TTC34: variants seen among roughly 807,000 people sequenced by gnomAD.
TTC34 encodes the protein tetratricopeptide repeat domain 34.
A neutral mutation model predicts 40.7 loss-of-function variants in TTC34; 44 were observed. That is an observed-to-expected ratio of 1.08 (90% CI 0.85 to 1.39). TTC34 has a LOEUF of 1.39. Among genes scored for constraint, TTC34 ranks in the 40% most tolerant of loss-of-function variants. TTC34 has a pLI of 0.00. For missense variants in TTC34, 884 were observed against 838.0 expected (o/e 1.05, Z -0.68); for synonymous variants, 422 against 398.6 (o/e 1.06, Z -0.70).
intron 6 of TTC34, among the ~76,000 whole-genome samples, chr1:2,750,966 C>A (rs1445424607): frequency 1.0e-5 from 1 of 98,544 alleles, no homozygotes; most frequent in East Asian, 3.8e-4. Context: ...AGCACCCACA[C>A]CCCCAGGTGC....
At chr1:2,747,548 AAC>A (rs1641193697) in intron 6 of TTC34, among the ~76,000 whole-genome samples, 1 of 83,440 alleles carries the variant, frequency 1.2e-5, no homozygotes, top group African/African-American at 8.0e-5. Context: ...CTGGAACAGA[AAC>A]CCCACCCTCA....
chr1:2,752,932 CA>C (rs1641372952), intron 6 of TTC34, among the ~76,000 whole-genome samples: 11 of 123,044 alleles, frequency 8.9e-5, no homozygotes, highest in Non-Finnish European at 1.6e-4. Flanking sequence ...ACAGCTCCCA[CA>C]ACCCCAGGTG....
chr1:2,643,664 C>T (rs902466512), intron 8 of TTC34, among the ~76,000 whole-genome samples: 5 of 152,122 alleles, frequency 3.3e-5, no homozygotes, highest in Non-Finnish European at 5.9e-5. Flanking sequence ...GGGGGGGCAG[C>T]GGCGCCCCCT....
At chr1:2,687,153 C>A (rs889616821) in intron 6 of TTC34, among the ~76,000 whole-genome samples, 1 of 143,004 alleles carries the variant, frequency 7.0e-6, no homozygotes, top group Admixed American at 6.8e-5. Flanking sequence ...CAGCCTGGAA[C>A]AGTACCCACA....
At chr1:2,753,354 C>G (rs1388420558) in intron 6 of TTC34, among the ~76,000 whole-genome samples, 11 of 109,618 alleles carry the variant, frequency 1.0e-4, no homozygotes, top group African/African-American at 4.2e-4. Flanking sequence ...GAGCATCTGA[C>G]AGCCTAGAAC....
rs375997157 is a variant in TTC34, at chr1:2,697,257, A to C, written c.2227-51694T>G. On this transcript the variant is annotated intron_variant, in intron 6 of 8. Transcript: ENST00000401095. ...AGCACCCTGCACCCCCAGGTGAGCA[A>C]GTGACACCCTGGAACAGCACACACA... Among the ~76,000 whole-genome samples the C allele has an allele frequency of 1.2e-3, 38 of 31,398 alleles. 1 individual carries two copies. The highest frequency in any genetic ancestry group is 2.4e-3 in the South Asian group (3 of 1,232). 20.6% of individuals were successfully genotyped at this position (31,398 alleles called of 152,430 possible).
At chr1:2,786,511 G>C (rs1643591325) in intron 4 of TTC34, among the ~76,000 whole-genome samples, 4 of 152,226 alleles carry the variant, frequency 2.6e-5, no homozygotes, top group Admixed American at 2.6e-4. Flanking sequence ...AGCCGCATCT[G>C]TCTGCTGATG....
In TTC34 at chr1:2,645,286, C is replaced by T. The variant is rs779002351; in HGVS notation, c.2497+7G>A. Reference sequence around the variant, plus strand: ...CCCGTGTTTCCCACCTTGGGGCCGCCGCATACCCTGTGCCATGAGAATGTC... The same window carrying T: ...CCCGTGTTTCCCACCTTGGGGCCGCTGCATACCCTGTGCCATGAGAATGTC... On this transcript the variant is annotated splice_region_variant and intron_variant, in intron 7 of 8. Coordinates refer to ENST00000401095, the Ensembl canonical transcript of TTC34. The surrounding 1 kb of genome is among the most constrained non-coding windows in gnomAD (Gnocchi z 4.7). The T allele has an allele frequency of 1.4e-5, 21 of 1,470,426 alleles. No homozygotes were observed. The highest frequency in any genetic ancestry group is 1.8e-4 in the Middle Eastern group (1 of 5,684). 91.1% of individuals were successfully genotyped at this position (1,470,426 alleles called of 1,614,324 possible).
intron 6 of TTC34, among the ~76,000 whole-genome samples, chr1:2,686,845 C>A: frequency 6.7e-6 from 1 of 149,784 alleles, no homozygotes; most frequent in East Asian, 2.0e-4. Flanking sequence ...ACCCCACACC[C>A]CCAGGTGAGC....
In TTC34 at chr1:2,783,665, TC is replaced by T; in HGVS notation, c.2169del (p.Asn724ThrfsTer15). ...GCCCGTCCACACAGTGCCTGCACGT[TC>T]CCCGGCTCAGCCCGCAGCACTGTGT... On this transcript the variant is annotated frameshift_variant, in exon 6 of 9. Coordinates refer to ENST00000401095, the Ensembl canonical transcript of TTC34. LOFTEE classifies it high-confidence loss of function. The T allele has an allele frequency of 6.5e-7, 1 of 1,535,786 alleles. No homozygotes were observed.
At chr1:2,760,025 C>CAGCACCCACACCCCCAAGTGTCT (rs1641644179) in intron 6 of TTC34, among the ~76,000 whole-genome samples, 1 of 43,762 alleles carries the variant, frequency 2.3e-5, no homozygotes, top group Non-Finnish European at 3.9e-5. Flanking sequence ...TCGGAGAGTC[C>CAGCACCCACACCCCCAAGTGTCT]GGAGCAGCGC....
chr1:2,695,747 C>A (rs1317264633), intron 6 of TTC34, among the ~76,000 whole-genome samples: 1 of 143,756 alleles, frequency 7.0e-6, no homozygotes, highest in African/African-American at 2.7e-5. Context: ...CCTGGAACAG[C>A]ACCCACACCC....
At chr1:2,639,048 A>C (rs1411397498) in exon 9 of TTC34, 1 of 151,840 alleles carries the variant, frequency 6.6e-6, no homozygotes, top group African/African-American at 2.4e-5. Context: ...GCTTGGGAGA[A>C]CTCTGGGGTC....
intron 6 of TTC34, among the ~76,000 whole-genome samples, chr1:2,779,940 C>T (rs953210249): frequency 6.6e-6 from 1 of 152,046 alleles, no homozygotes; most frequent in Non-Finnish European, 1.5e-5. Flanking sequence ...ACAGTGAAAC[C>T]TCGTCTCTAT....
At chr1:2,772,877 G>C (rs1203987349) in intron 6 of TTC34, among the ~76,000 whole-genome samples, 3 of 82,528 alleles carry the variant, frequency 3.6e-5, no homozygotes, top group African/African-American at 1.2e-4. Context: ...GCATCTGACA[G>C]CCTGGAGCAG....
chr1:2,783,039 C>T (rs1479311905), intron 6 of TTC34, among the ~76,000 whole-genome samples: 2 of 152,214 alleles, frequency 1.3e-5, no homozygotes, highest in Non-Finnish European at 2.9e-5. Flanking sequence ...TGCCATTGCC[C>T]CTCTCCCAAC....
chr1:2,687,426 G>C (rs1463796453), intron 6 of TTC34, among the ~76,000 whole-genome samples: 2 of 141,544 alleles, frequency 1.4e-5, no homozygotes, highest in Admixed American at 6.9e-5. Flanking sequence ...GCATCTGATG[G>C]TCTGGAGCAG....
At chr1:2,790,303 G>A (rs2100630749) in exon 3 of TTC34, 1 of 398,402 alleles carries the variant, frequency 2.5e-6, no homozygotes, top group South Asian at 1.3e-4. Flanking sequence ...CCAGGAAGAA[G>A]GCCGAGGCCG....
At chr1:2,637,830 GCA>G (rs1302707698) in exon 9 of TTC34, 2 of 152,246 alleles carry the variant, frequency 1.3e-5, no homozygotes, top group East Asian at 1.9e-4. Context: ...CAACTCGGAT[GCA>G]CAGTTTAACT....
Sources: gnomAD v4.1 joint callset for allele counts (sites outside exome capture counted in the v4.1 genomes callset) on GRCh38, gnomAD v4.1.1 for gene constraint, Gnocchi (gnomAD v3.1) non-coding constraint, MANE v1.5 for transcripts, NCBI Gene and HGNC (gene_info 2026-07-23, HGNC 2026-07-21) for gene names.